Variants in C2orf92 observed in about 807,000 individuals in gnomAD.
C2orf92 encodes uncharacterized protein C2orf92.
chr2:97,701,105 T>C (rs1676480270), intron 6 of C2orf92, 49 bp from the exon 7 acceptor site: 1 of 398,150 alleles, frequency 2.5e-6, no homozygotes, highest in Non-Finnish European at 4.4e-6. Context: ...TGGTTGTGGG[T>C]AGCCCGGTGG....
intron 3 of C2orf92, among the ~76,000 whole-genome samples, chr2:97,676,681 AG>A (rs1675596696): frequency 6.6e-6 from 1 of 151,736 alleles, no homozygotes; most frequent in Non-Finnish European, 1.5e-5. Flanking sequence ...CTGAGGTGGG[AG>A]GATCTTTTGA....
intron 1 of C2orf92, chr2:97,672,535 C>G (rs1043576066): frequency 7.9e-5 from 12 of 151,896 alleles, no homozygotes; most frequent in Non-Finnish European, 1.8e-4. Flanking sequence ...GCAGGTGACC[C>G]CAGTGTCTCT....
intron 3 of C2orf92, among the ~76,000 whole-genome samples, chr2:97,686,576 T>G (rs1559302338): frequency 6.6e-6 from 1 of 152,154 alleles, no homozygotes; most frequent in African/African-American, 2.4e-5. Context: ...TGAGCTACCA[T>G]GCCCCGCTAA....
chr2:97,672,264 G>A (rs1468419727), intron 1 of C2orf92: 1 of 151,244 alleles, frequency 6.6e-6, no homozygotes, highest in Non-Finnish European at 1.5e-5. Flanking sequence ...AGCGATGCCT[G>A]TTCATTCCTG....
chr2:97,672,783 G>T (rs1457125117), intron 1 of C2orf92, among the ~76,000 whole-genome samples: 1 of 152,056 alleles, frequency 6.6e-6, no homozygotes, highest in Admixed American at 6.5e-5. Flanking sequence ...GCTCCTCATT[G>T]TCCTGGTGAC....
At chr2:97,684,277 C>T (rs992235968) in intron 3 of C2orf92, among the ~76,000 whole-genome samples, 29 of 152,160 alleles carry the variant, frequency 1.9e-4, no homozygotes, top group South Asian at 1.2e-3. Context: ...CCTCGTGATC[C>T]GCCCACCTCG....
At position 97,675,897 on chromosome 2, in the gene C2orf92, T is replaced by TGAGC; in HGVS notation, c.205_208dup (p.Glu70AlafsTer7). On this transcript the variant is annotated frameshift_variant, in exon 3 of 8. Transcript: ENST00000627399. LOFTEE classifies it high-confidence loss of function. ...ATGCTGCATTTGCATCAGGTTCAAA[T>TGAGC]GAGCGAGAGGAACATTTGGCTAAAA... 2 of 399,114 alleles carry TGAGC rather than the reference T, an allele frequency of 5.0e-6. No homozygotes were observed. The highest frequency in any genetic ancestry group is 8.8e-5 in the Admixed American group (2 of 22,740). 24.7% of individuals were successfully genotyped at this position (399,114 alleles called of 1,614,324 possible). A position where few individuals can be genotyped will look rare whatever the true frequency, so the allele number is the denominator to read the frequency against.
chr2:97,687,999 A>G (rs1167382050), intron 3 of C2orf92, among the ~76,000 whole-genome samples: 2 of 151,688 alleles, frequency 1.3e-5, no homozygotes, highest in Non-Finnish European at 2.9e-5. Context: ...GAGTGATTGC[A>G]TCTGAAGATG....
upstream of C2orf92, chr2:97,668,278 C>T (rs1675301391): frequency 6.6e-6 from 1 of 152,094 alleles, no homozygotes; most frequent in African/African-American, 2.4e-5. Context: ...ACATGGTACC[C>T]TCTCTTCATA....
chr2:97,664,419 G>A (rs1675137020), exon 1 of C2orf92: 1 of 152,172 alleles, frequency 6.6e-6, no homozygotes, highest in Admixed American at 6.5e-5. Context: ...CCCTCTCCAA[G>A]GAGGCCGGCC....
At chr2:97,697,758 C>T (rs565997537) in intron 5 of C2orf92, among the ~76,000 whole-genome samples, 14 of 152,132 alleles carry the variant, frequency 9.2e-5, no homozygotes, top group East Asian at 3.9e-4. Flanking sequence ...GACAGGGTCT[C>T]GCTCTGTTAC....
chr2:97,677,491 CACA>C (rs964866291), intron 3 of C2orf92: 7 of 152,206 alleles, frequency 4.6e-5, no homozygotes, highest in African/African-American at 1.7e-4. Context: ...AGCACTTTCA[CACA>C]ACAAGAAGTA....
intron 2 of C2orf92, chr2:97,675,576 T>C (rs1179156495): frequency 2.9e-6 from 1 of 345,844 alleles, no homozygotes; most frequent in Non-Finnish European, 5.2e-6. Flanking sequence ...CCTGTAGCAT[T>C]AAACCTGCCA....
chr2:97,676,599 C>T (rs1298918796), intron 3 of C2orf92, among the ~76,000 whole-genome samples: 1 of 151,410 alleles, frequency 6.6e-6, no homozygotes, highest in Non-Finnish European at 1.5e-5. Context: ...TAAAAAAACG[C>T]CCCCCTCCCC....
At chr2:97,684,257 G>A (rs1303189322) in intron 3 of C2orf92, among the ~76,000 whole-genome samples, 3 of 151,948 alleles carry the variant, frequency 2.0e-5, no homozygotes, top group Non-Finnish European at 4.4e-5. Context: ...GGATGGTTTC[G>A]ATCCCCTGAC....
rs78844553 is a variant in C2orf92, at chr2:97,670,070, C to T, written c.46+236C>T. ...CAGAGCTCTATAGGAGGGTGGCATACATGCGTATTTTAACTTTTCACTGTA... is the reference window on the plus strand; with the variant it reads ...CAGAGCTCTATAGGAGGGTGGCATATATGCGTATTTTAACTTTTCACTGTA... On this transcript the variant is annotated intron_variant, in intron 1 of 7. Transcript: ENST00000627399. 24 of 374,742 alleles carry T rather than the reference C, an allele frequency of 6.4e-5. No homozygotes were observed. In the East Asian group the frequency reaches 8.4e-4, roughly 13 times the overall value. 23.2% of individuals were successfully genotyped at this position (374,742 alleles called of 1,614,324 possible).
At chr2:97,673,166 T>C (rs992445542) in intron 1 of C2orf92, among the ~76,000 whole-genome samples, 2 of 152,188 alleles carry the variant, frequency 1.3e-5, no homozygotes, top group African/African-American at 4.8e-5. Flanking sequence ...ATAGAACATT[T>C]TTACACAAGC....
chr2:97,664,877 A>G (rs1015214861), upstream of C2orf92: 1 of 152,236 alleles, frequency 6.6e-6, no homozygotes, highest in Non-Finnish European at 1.5e-5. Flanking sequence ...GCACGGCCCC[A>G]TAATATTTCC....
intron 2 of C2orf92, 33 bp downstream of exon 2, chr2:97,674,590 A>G (rs1675515758): frequency 2.0e-5 from 8 of 398,460 alleles, no homozygotes; most frequent in Non-Finnish European, 2.7e-5. Context: ...ACATGTGTAC[A>G]TACCTCTACA....
Sources: allele counts gnomAD v4.1 joint callset (sites outside exome capture counted in the v4.1 genomes callset), GRCh38; gene constraint gnomAD v4.1.1; transcripts MANE v1.5; gene names NCBI Gene and HGNC (gene_info 2026-07-23, HGNC 2026-07-21).